CRACD: variants seen among roughly 807,000 people sequenced by gnomAD.
CRACD encodes the protein capping protein inhibiting regulator of actin dynamics, also known as capping protein-inhibiting regulator of actin dynamics.
In CRACD, 56 loss-of-function variants were observed where a neutral mutation model predicts 106.8. That is an observed-to-expected ratio of 0.52 (90% CI 0.42 to 0.66). The LOEUF is 0.66. CRACD is among the 30% of genes least tolerant of loss of function. CRACD has a pLI of 0.00. For synonymous variants in CRACD, 754 were observed against 670.8 expected, an observed-to-expected ratio of 1.12 and a Z score of -1.92; for missense variants, 1,730 against 1,623.2, an observed-to-expected ratio of 1.07 and a Z score of -1.13.
At chr4:56,262,853 C>T (rs576643352) in intron 2 of CRACD, among the ~76,000 whole-genome samples, 8 of 152,226 alleles carry the variant, frequency 5.3e-5, no homozygotes, top group East Asian at 3.9e-4. Context: ...TATTGCACTT[C>T]GATTATTAAA....
At chr4:56,191,116 T>C (rs756211096) in intron 2 of CRACD, among the ~76,000 whole-genome samples, 2 of 152,194 alleles carry the variant, frequency 1.3e-5, no homozygotes, top group Non-Finnish European at 2.9e-5. Context: ...GAAACCTTGA[T>C]AATTTTCCTA....
chr4:56,326,425 T>A (rs944316833), intron 10 of CRACD, among the ~76,000 whole-genome samples: 2 of 152,240 alleles, frequency 1.3e-5, no homozygotes, highest in Non-Finnish European at 2.9e-5. Context: ...CTCTGCCTGA[T>A]TTCTCAGAAG....
intron 1 of CRACD, among the ~76,000 whole-genome samples, chr4:56,141,076 A>G (rs1735180461): frequency 6.6e-6 from 1 of 152,206 alleles, no homozygotes. Flanking sequence ...GAATACCTGG[A>G]GAAGCCATGA....
intron 2 of CRACD, among the ~76,000 whole-genome samples, chr4:56,259,040 G>A (rs780567637): frequency 5.9e-5 from 9 of 152,180 alleles, no homozygotes; most frequent in Non-Finnish European, 8.8e-5. Flanking sequence ...TAACAAGAGC[G>A]AGTCTGGTAT....
chr4:56,155,942 A>G (rs1016321883), intron 1 of CRACD, among the ~76,000 whole-genome samples: 1 of 152,142 alleles, frequency 6.6e-6, no homozygotes, highest in African/African-American at 2.4e-5. Context: ...ACCTATGGGA[A>G]AAAATGTGTT....
intron 1 of CRACD, among the ~76,000 whole-genome samples, chr4:56,095,672 G>C (rs1286571355): frequency 6.6e-6 from 1 of 152,142 alleles, no homozygotes; most frequent in Non-Finnish European, 1.5e-5. Context: ...AGGTAACCTG[G>C]TCCCTCATGT....
At chr4:56,096,391 G>C (rs1247359888) in intron 1 of CRACD, among the ~76,000 whole-genome samples, 2 of 152,104 alleles carry the variant, frequency 1.3e-5, no homozygotes, top group Non-Finnish European at 2.9e-5. Flanking sequence ...ATGAAGTTCT[G>C]GAGCCTAAAG....
At chr4:56,211,693 C>A (rs553437217) in intron 2 of CRACD, among the ~76,000 whole-genome samples, 1 of 152,140 alleles carries the variant, frequency 6.6e-6, no homozygotes, top group East Asian at 1.9e-4. Context: ...TTGGGGAGCG[C>A]GTGCTGATTG....
chr4:56,064,795 A>G (rs1425788227), intron 1 of CRACD, among the ~76,000 whole-genome samples: 1 of 152,052 alleles, frequency 6.6e-6, no homozygotes, highest in African/African-American at 2.4e-5. Flanking sequence ...TCTTTGTTTC[A>G]TTCATTCTCT....
intron 3 of CRACD, among the ~76,000 whole-genome samples, chr4:56,281,803 C>A (rs145555763): frequency 1.6e-3 from 248 of 152,178 alleles, no homozygotes; most frequent in Non-Finnish European, 2.7e-3. Flanking sequence ...GTTAGAAGAT[C>A]GTTTGTCTTA....
intron 1 of CRACD, among the ~76,000 whole-genome samples, chr4:56,115,332 A>G (rs1734242550): frequency 6.6e-6 from 1 of 152,220 alleles, no homozygotes; most frequent in Non-Finnish European, 1.5e-5. Flanking sequence ...TCTAAATCCC[A>G]GAATATCAAT....
intron 2 of CRACD, among the ~76,000 whole-genome samples, chr4:56,238,870 C>T (rs1377414263): frequency 6.6e-6 from 1 of 152,160 alleles, no homozygotes; most frequent in Non-Finnish European, 1.5e-5. Context: ...TGCCTGTTTA[C>T]ATCCTTCCTG....
intron 2 of CRACD, among the ~76,000 whole-genome samples, chr4:56,245,521 C>T (rs908521680): frequency 7.2e-5 from 11 of 152,256 alleles, no homozygotes; most frequent in Admixed American, 6.5e-4. Context: ...GGTCATCTCT[C>T]TTTAATGTAA....
Position 56,129,220 on chromosome 4 carries a change from C to A in CRACD, c.-335-50064C>A, listed in dbSNP as rs180726733. 2.9e-3 allele frequency among the ~76,000 whole-genome samples: 438 copies of A among 152,206 alleles called. 2 individuals are homozygous for A. The highest frequency in any genetic ancestry group is 0.01 in the African/African-American group (417 of 41,526). On this transcript the variant is annotated intron_variant, in intron 1 of 10. Coordinates refer to ENST00000682029, the MANE Select transcript of CRACD (RefSeq NM_001393381.1). ...CCTCCTGAGTAACTGGGACTACAGGCGCATGCCTGGCTAATTTTTAAATTA... is the reference window on the plus strand; with the variant it reads ...CCTCCTGAGTAACTGGGACTACAGGAGCATGCCTGGCTAATTTTTAAATTA...
At chr4:56,280,290 T>C (rs1742961211) in intron 3 of CRACD, among the ~76,000 whole-genome samples, 1 of 151,130 alleles carries the variant, frequency 6.6e-6, no homozygotes, top group African/African-American at 2.4e-5. Context: ...ACTTAAAGTA[T>C]AATAAAAAGA....
At chr4:56,248,095 C>T (rs916571714) in intron 2 of CRACD, among the ~76,000 whole-genome samples, 32 of 152,208 alleles carry the variant, frequency 2.1e-4, no homozygotes, top group Non-Finnish European at 1.2e-4. Flanking sequence ...CTAGAGAATA[C>T]TCAGCTTATC....
At chr4:56,120,764 G>A (rs1014575516) in intron 1 of CRACD, among the ~76,000 whole-genome samples, 5 of 152,202 alleles carry the variant, frequency 3.3e-5, no homozygotes, top group African/African-American at 9.7e-5. Flanking sequence ...ATGTATAAAT[G>A]ATGATTCAAT....
chr4:56,307,959 T>C (rs1577890211), intron 5 of CRACD, among the ~76,000 whole-genome samples: 1 of 152,236 alleles, frequency 6.6e-6, no homozygotes, highest in Non-Finnish European at 1.5e-5. Context: ...CTACCTCTTC[T>C]GGGAAGCCGT....
chr4:56,330,177 T>C lies in CRACD; in HGVS notation c.*2373T>C, dbSNP rs1408361119. On this transcript the variant is annotated 3_prime_UTR_variant, in exon 11 of 11. Transcript: ENST00000682029. The stretch of plus-strand genomic sequence containing the variant: ...TTTTTTTTTAAATGAATGATCACTA[T>C]GTTAAATGCAAACTTTTTTTTTTTT... Among the ~76,000 whole-genome samples the C allele has an allele frequency of 2.1e-5, 3 of 140,778 alleles. No individual in the cohort carries two copies. The highest frequency in any genetic ancestry group is 2.5e-4 in the South Asian group (1 of 4,058). 92.4% of individuals were successfully genotyped at this position (140,778 alleles called of 152,430 possible).
Sources: gnomAD v4.1 joint callset for allele counts (sites outside exome capture counted in the v4.1 genomes callset) on GRCh38, gnomAD v4.1.1 for gene constraint, MANE v1.5 for transcripts, NCBI Gene and HGNC (gene_info 2026-07-23, HGNC 2026-07-21) for gene names.